The following CFAP77 variants were observed in gnomAD, a reference collection of about 807,000 sequenced individuals.
CFAP77 encodes the protein cilia and flagella associated protein 77.
CFAP77 carries 25 observed loss-of-function variants against 31.1 expected under a neutral mutation model. That is an observed-to-expected ratio of 0.80 (90% confidence interval 0.59 to 1.12). The LOEUF (loss-of-function observed/expected upper bound fraction) is 1.12. Among genes scored for constraint, CFAP77 ranks in the 50% most tolerant of loss-of-function variants. CFAP77 has a pLI of 0.00. For synonymous variants in CFAP77, 151 were observed against 159.9 expected, an observed-to-expected ratio of 0.94 and a Z score of 0.42; for missense variants, 377 against 397.3, an observed-to-expected ratio of 0.95 and a Z score of 0.44.
chr9:132,535,330 G>C (rs1284391647), intron 3 of CFAP77, among the ~76,000 whole-genome samples: 2 of 152,038 alleles, frequency 1.3e-5, no homozygotes, highest in East Asian at 1.9e-4. Context: ...ATTATTATTA[G>C]CAACAAGGAC....
intron 1 of CFAP77, among the ~76,000 whole-genome samples, chr9:132,450,068 A>G (rs1850798929): frequency 6.6e-6 from 1 of 152,110 alleles, no homozygotes; most frequent in South Asian, 2.1e-4. Context: ...GCCCGCCACC[A>G]TGCCCACACC....
chr9:132,566,496 A>G (rs186893331), intron 5 of CFAP77, among the ~76,000 whole-genome samples: 2 of 152,222 alleles, frequency 1.3e-5, no homozygotes, highest in Non-Finnish European at 2.9e-5. Context: ...AAGGGGCTCA[A>G]CATGCCAGTT....
At chr9:132,515,000 G>A (rs1049577650) in intron 3 of CFAP77, among the ~76,000 whole-genome samples, 1 of 152,164 alleles carries the variant, frequency 6.6e-6, no homozygotes, top group Admixed American at 6.5e-5. Context: ...GGACAGAAGT[G>A]CCGGGGGCCA....
chr9:132,489,986 G>T (rs914925976), intron 1 of CFAP77, among the ~76,000 whole-genome samples: 1 of 152,284 alleles, frequency 6.6e-6, no homozygotes, highest in South Asian at 2.1e-4. Flanking sequence ...GTTTCTCAGC[G>T]TTCTAGGGGC....
At position 132,481,486 on chromosome 9, in the gene CFAP77, CAA is replaced by C. The variant is rs1407077575; in HGVS notation, c.196-17208_196-17207del. Among the ~76,000 whole-genome samples, 1 of 152,238 alleles carries C rather than the reference CAA, an allele frequency of 6.6e-6. No individual in the cohort carries two copies. The highest frequency in any genetic ancestry group is 1.9e-4 in the East Asian group (1 of 5,194). The stretch of plus-strand genomic sequence containing the variant: ...AAGATTTCATCCATCTTTGTGTGCT[CAA>C]GGTACCGAGCACAGTGGCTTGCACC... On this transcript the variant is annotated intron_variant, in intron 1 of 5. Transcript: ENST00000393216. The surrounding 1 kb of genome is among the most constrained non-coding windows in gnomAD (Gnocchi z 5.0).
chr9:132,442,765 C>T (rs2131704090), intron 1 of CFAP77, among the ~76,000 whole-genome samples: 1 of 151,884 alleles, frequency 6.6e-6, no homozygotes, highest in East Asian at 1.9e-4. Flanking sequence ...TGGTCTTAAA[C>T]TCCTGGGCTC....
chr9:132,451,354 A>G (rs570796553), intron 1 of CFAP77, among the ~76,000 whole-genome samples: 6,428 of 151,490 alleles, frequency 0.042, 471 homozygotes, highest in African/African-American at 0.15. Flanking sequence ...AAAAAAAAAA[A>G]AAAGAAAGAT....
intron 3 of CFAP77, among the ~76,000 whole-genome samples, chr9:132,506,017 C>T (rs1851925461): frequency 6.6e-6 from 1 of 152,218 alleles, no homozygotes; most frequent in Non-Finnish European, 1.5e-5. Context: ...AGACAGGTAT[C>T]ATTCTGCACA....
At chr9:132,520,513 G>C (rs1407144888) in intron 3 of CFAP77, among the ~76,000 whole-genome samples, 1 of 152,156 alleles carries the variant, frequency 6.6e-6, no homozygotes, top group Non-Finnish European at 1.5e-5. Context: ...AGTTACGGTG[G>C]TGAGTGTTGT....
At chr9:132,458,357 G>GGGGGGTGT (rs139008147) in intron 1 of CFAP77, among the ~76,000 whole-genome samples, 3 of 119,044 alleles carry the variant, frequency 2.5e-5, no homozygotes, top group African/African-American at 9.7e-5. Flanking sequence ...GAGGGGGGGG[G>GGGGGGTGT]GTGTGTATGG....
intron 5 of CFAP77, among the ~76,000 whole-genome samples, chr9:132,563,911 T>C (rs181516322): frequency 5.5e-4 from 84 of 152,366 alleles, no homozygotes; most frequent in African/African-American, 2.0e-3. Flanking sequence ...GGAAACCACC[T>C]GTTCCTTTCT....
At chr9:132,426,310 A>G (rs1157364595) in intron 1 of CFAP77, among the ~76,000 whole-genome samples, 1 of 152,202 alleles carries the variant, frequency 6.6e-6, no homozygotes, top group Non-Finnish European at 1.5e-5. Context: ...TTTTGGACAG[A>G]CTTATTATGA....
At position 132,554,854 on chromosome 9, in the gene CFAP77, G is replaced by A. The variant is rs564377833; in HGVS notation, c.732+11807G>A. Among the ~76,000 whole-genome samples the A allele has an allele frequency of 4.1e-4, 62 of 152,030 alleles. No homozygotes were observed. The highest frequency in any genetic ancestry group is 2.3e-3 in the South Asian group (11 of 4,806). ...TCCTGACCCACTCATCTGTCCATCC[G>A]TCCATCCATCTGTCCATTCATTCAT... is the stretch of plus-strand genomic sequence containing the variant. On this transcript the variant is annotated intron_variant, in intron 5 of 5. Transcript: ENST00000393216. This position sits in a 1 kb window ranked among gnomAD's most constrained non-coding sequence, Gnocchi z 4.1.
At position 132,481,963 on chromosome 9, in the gene CFAP77, G is replaced by GC. The variant is rs1409126476; in HGVS notation, c.196-16732_196-16731insC. On this transcript the variant is annotated intron_variant, in intron 1 of 5. Coordinates refer to ENST00000393216, the MANE Select transcript of CFAP77 (RefSeq NM_001282957.2). This position sits in a 1 kb window ranked among gnomAD's most constrained non-coding sequence, Gnocchi z 5.0. ...GAAGGAACAAGGGTTTATGGTTGGG[G>GC]GGGGGGGGGGCGGCGGAACACTGAA... Among the ~76,000 whole-genome samples the GC allele has an allele frequency of 1.5e-5, 2 of 132,316 alleles. No homozygotes were observed. Among genetic ancestry groups the GC allele is most frequent in the South Asian group, 2.5e-4 (1 of 3,956 alleles). 86.8% of individuals were successfully genotyped at this position (132,316 alleles called of 152,430 possible).
chr9:132,427,440 G>A (rs1028978223), intron 1 of CFAP77, among the ~76,000 whole-genome samples: 2 of 152,084 alleles, frequency 1.3e-5, no homozygotes, highest in South Asian at 2.1e-4. Flanking sequence ...GCTGCCTAAC[G>A]AATGACCACA....
chr9:132,551,923 G>A (rs376519388), intron 5 of CFAP77, among the ~76,000 whole-genome samples: 5 of 152,324 alleles, frequency 3.3e-5, no homozygotes, highest in Non-Finnish European at 4.4e-5. Context: ...CCAGAGTGTC[G>A]TGGCCGGGCC....
chr9:132,471,184 G>A (rs1341572436), intron 1 of CFAP77, among the ~76,000 whole-genome samples: 2 of 152,194 alleles, frequency 1.3e-5, no homozygotes, highest in African/African-American at 4.8e-5. Context: ...AATGTAATCA[G>A]TTGGGAGAAC....
intron 1 of CFAP77, among the ~76,000 whole-genome samples, chr9:132,465,528 A>G (rs1444898183): frequency 3.9e-5 from 6 of 152,154 alleles, no homozygotes; most frequent in Non-Finnish European, 8.8e-5. Context: ...TGCAGGGGAA[A>G]TGCCTGCACT....
At position 132,497,917 on chromosome 9, in the gene CFAP77, G is replaced by A. The variant is rs934713349; in HGVS notation, c.196-778G>A. On this transcript the variant is annotated intron_variant, in intron 1 of 5. Coordinates refer to ENST00000393216, the MANE Select transcript of CFAP77 (RefSeq NM_001282957.2). This position sits in a 1 kb window ranked among gnomAD's most constrained non-coding sequence, Gnocchi z 4.9. ...GGAGACCGCGTGGCAGGATGATCAA[G>A]AGCGCCAGTCAAGAGGACAGGCACG... Among the ~76,000 whole-genome samples, 3 of 152,170 alleles carry A rather than the reference G, an allele frequency of 2.0e-5. No individual in the cohort carries two copies. Among genetic ancestry groups the A allele is most frequent in the African/African-American group, 7.2e-5 (3 of 41,428 alleles).
Sources: gnomAD v4.1 joint callset for allele counts (sites outside exome capture counted in the v4.1 genomes callset) on GRCh38, gnomAD v4.1.1 for gene constraint, Gnocchi (gnomAD v3.1) non-coding constraint, MANE v1.5 for transcripts, NCBI Gene and HGNC (gene_info 2026-07-23, HGNC 2026-07-21) for gene names.